Variants in RBMS3 observed in about 807,000 individuals in gnomAD.
RBMS3 encodes the protein RNA-binding motif, single-stranded-interacting protein 3.
RBMS3 carries 27 observed loss-of-function variants against 66.8 expected under a neutral mutation model. The ratio of observed to expected loss-of-function variants is 0.40; its 90% CI spans 0.30 to 0.56. RBMS3 has a LOEUF of 0.56. RBMS3 is among the 20% of genes least tolerant of loss of function. RBMS3 has a pLI of 0.40. For missense variants in RBMS3, 513 were observed against 549.5 expected (o/e 0.93, Z 0.66); for synonymous variants, 188 against 183.0 (o/e 1.03, Z -0.22).
At chr3:29,736,875 A>G (rs2054402765) in intron 4 of RBMS3, among the ~76,000 whole-genome samples, 1 of 152,252 alleles carries the variant, frequency 6.6e-6, no homozygotes, top group South Asian at 2.1e-4. Context: ...AGCCTTCTGC[A>G]AACAGTATCT....
chr3:29,404,250 TC>T (rs2125671962), intron 1 of RBMS3, among the ~76,000 whole-genome samples: 1 of 152,236 alleles, frequency 6.6e-6, no homozygotes, highest in South Asian at 2.1e-4. Context: ...GTGGGACCAA[TC>T]CGTGAATCAC....
At chr3:29,470,165 G>C (rs2042674266) in intron 2 of RBMS3, among the ~76,000 whole-genome samples, 1 of 151,482 alleles carries the variant, frequency 6.6e-6, no homozygotes. Flanking sequence ...AGATATCCAT[G>C]ACTAACCCCA....
chr3:29,733,325 A>G (rs1310688659), intron 4 of RBMS3, among the ~76,000 whole-genome samples: 1 of 151,812 alleles, frequency 6.6e-6, no homozygotes, highest in African/African-American at 2.4e-5. Context: ...AGCTCTTGGA[A>G]TAATCATGGA....
intron 1 of RBMS3, among the ~76,000 whole-genome samples, chr3:29,336,742 A>G (rs1414756728): frequency 6.6e-6 from 1 of 152,176 alleles, no homozygotes; most frequent in African/African-American, 2.4e-5. Context: ...TGAAGCTTGC[A>G]AAGTTGAGCA....
rs79876405 is a variant in RBMS3 at position 29,528,149 on chromosome 3, G to C, written c.307+39650G>C. Among the ~76,000 whole-genome samples, 770 of 125,062 alleles carry C rather than the reference G, an allele frequency of 6.2e-3. 6 individuals are homozygous for C. Among genetic ancestry groups the C allele is most frequent in the African/African-American group, 0.022 (721 of 32,940 alleles). The allele number at this position is 125,062 out of a possible 152,430, so 82.0% of individuals were successfully genotyped here. ...TTTTTTTGAGATATGGTCTCTCTCT[G>C]TCACCCAAGCTGGAGTGCAATGGCA... On this transcript the variant is annotated intron_variant, in intron 3 of 14. Transcript: ENST00000383767.
intron 1 of RBMS3, among the ~76,000 whole-genome samples, chr3:29,398,641 A>G (rs1258950744): frequency 3.3e-5 from 5 of 152,190 alleles, no homozygotes; most frequent in African/African-American, 9.7e-5. Context: ...ATTGACCACC[A>G]TAACTGTTGG....
chr3:29,592,195 TAC>T (rs68074936), intron 4 of RBMS3, among the ~76,000 whole-genome samples: 2,939 of 149,078 alleles, frequency 0.02, 86 homozygotes, highest in African/African-American at 0.06. Context: ...CAAACACACA[TAC>T]ACACACACAC....
At chr3:29,939,273 A>G (rs1264965053) in intron 11 of RBMS3, among the ~76,000 whole-genome samples, 1 of 152,012 alleles carries the variant, frequency 6.6e-6, no homozygotes, top group Admixed American at 6.6e-5. Flanking sequence ...ATATTTGCCT[A>G]TATCATAAAC....
At chr3:29,285,506 A>G (rs760589451) in intron 1 of RBMS3, among the ~76,000 whole-genome samples, 1 of 152,094 alleles carries the variant, frequency 6.6e-6, no homozygotes, top group Non-Finnish European at 1.5e-5. Flanking sequence ...TGTTTCTACC[A>G]ATCCAGTGCC....
At chr3:29,915,554 G>C (rs1030993794) in intron 10 of RBMS3, among the ~76,000 whole-genome samples, 1 of 151,878 alleles carries the variant, frequency 6.6e-6, no homozygotes, top group Non-Finnish European at 1.5e-5. Context: ...CAGTATGCCC[G>C]TATCTCCAGA....
chr3:29,532,817 G>A (rs1389077682), intron 3 of RBMS3, among the ~76,000 whole-genome samples: 1 of 152,026 alleles, frequency 6.6e-6, no homozygotes, highest in Non-Finnish European at 1.5e-5. Flanking sequence ...ACACTGTAAT[G>A]GGAAGTAATG....
chr3:29,480,069 G>A (rs761617190), intron 2 of RBMS3, among the ~76,000 whole-genome samples: 22 of 152,224 alleles, frequency 1.4e-4, no homozygotes, highest in Non-Finnish European at 1.9e-4. Flanking sequence ...AGCATACAAG[G>A]AGAAATATCT....
chr3:29,343,849 T>G (rs1389446184), intron 1 of RBMS3, among the ~76,000 whole-genome samples: 1 of 152,180 alleles, frequency 6.6e-6, no homozygotes, highest in Non-Finnish European at 1.5e-5. Flanking sequence ...CATTCCCTAT[T>G]TTGCTATGCT....
chr3:29,875,387 C>T (rs2059589780), intron 7 of RBMS3, among the ~76,000 whole-genome samples: 1 of 152,044 alleles, frequency 6.6e-6, no homozygotes, highest in Admixed American at 6.6e-5. Flanking sequence ...TCCTACTTAA[C>T]CATGTTATGG....
chr3:29,804,920 CGTGTGTGTGTGTGTGT>C (rs10576635), intron 6 of RBMS3, among the ~76,000 whole-genome samples: 37,592 of 146,356 alleles, frequency 0.26, 5,559 homozygotes, highest in Non-Finnish European at 0.34. Flanking sequence ...TCTGCGTGTA[CGTGTGTGTGTGTGTGT>C]GTGTGTGTGT....
At chr3:29,712,374 G>A (rs1448695174) in intron 4 of RBMS3, among the ~76,000 whole-genome samples, 1 of 152,036 alleles carries the variant, frequency 6.6e-6, no homozygotes, top group Non-Finnish European at 1.5e-5. Context: ...GTGCAATGAT[G>A]CAATCTTGGC....
chr3:29,554,126 T>C (rs2149036379), intron 3 of RBMS3, among the ~76,000 whole-genome samples: 1 of 152,350 alleles, frequency 6.6e-6, no homozygotes, highest in South Asian at 2.1e-4. Flanking sequence ...TCCTTCCTAG[T>C]ATGCTAATGT....
At chr3:29,549,396 G>GT (rs2046102053) in intron 3 of RBMS3, among the ~76,000 whole-genome samples, 1 of 142,368 alleles carries the variant, frequency 7.0e-6, no homozygotes, top group African/African-American at 2.7e-5. Flanking sequence ...CAATTGGATT[G>GT]ATTTTTTTTT....
At chr3:29,372,901 G>GA (rs1177155397) in intron 1 of RBMS3, among the ~76,000 whole-genome samples, 2 of 150,288 alleles carry the variant, frequency 1.3e-5, no homozygotes, top group Non-Finnish European at 3.0e-5. Flanking sequence ...AAACAAAAAA[G>GA]AAAAAACGCC....
Sources: allele counts gnomAD v4.1 joint callset (sites outside exome capture counted in the v4.1 genomes callset), GRCh38; gene constraint gnomAD v4.1.1; transcripts MANE v1.5; gene names NCBI Gene and HGNC (gene_info 2026-07-23, HGNC 2026-07-21).